PALD1: variants seen among roughly 807,000 people sequenced by gnomAD.
The protein encoded by PALD1 is paladin.
PALD1 carries 57 observed loss-of-function variants against 96.0 expected under a neutral mutation model. That is an observed-to-expected ratio of 0.59 (90% CI 0.48 to 0.74). The LOEUF is 0.74. Ranked by LOEUF, PALD1 falls within the 30% of genes least tolerant of loss-of-function variation. PALD1 has a pLI of 0.00. For missense variants in PALD1, 1,063 were observed against 1,143.7 expected (o/e 0.93, Z 1.02); for synonymous variants, 464 against 473.6 (o/e 0.98, Z 0.26).
intron 18 of PALD1, among the ~76,000 whole-genome samples, chr10:70,553,328 A>C (rs1387944166): frequency 6.6e-6 from 1 of 152,106 alleles, no homozygotes; most frequent in East Asian, 1.9e-4. Context: ...TCTAAAAATG[A>C]GGGAAAGATG....
At chr10:70,507,818 G>A (rs1427830157) in intron 1 of PALD1, among the ~76,000 whole-genome samples, 2 of 151,356 alleles carry the variant, frequency 1.3e-5, no homozygotes, top group Admixed American at 6.6e-5. Context: ...GTAGAGATGA[G>A]GTCTCACCAT....
intron 1 of PALD1, among the ~76,000 whole-genome samples, chr10:70,519,573 C>CTTTCTTTT (rs1240665131): frequency 1.5e-5 from 2 of 133,702 alleles, no homozygotes; most frequent in African/African-American, 2.9e-5. Flanking sequence ...TTCTTTCTTT[C>CTTTCTTTT]TTTTTTTTTT....
intron 1 of PALD1, among the ~76,000 whole-genome samples, chr10:70,491,418 C>CTT (rs36018718): frequency 0.37 from 56,393 of 150,690 alleles, 12,972 homozygotes; most frequent in Non-Finnish European, 0.53. Flanking sequence ...TCCCCACCTG[C>CTT]TTTTTTTTTC....
intron 18 of PALD1, among the ~76,000 whole-genome samples, chr10:70,558,071 T>C (rs1847649553): frequency 6.6e-6 from 1 of 151,826 alleles, no homozygotes; most frequent in Non-Finnish European, 1.5e-5. Flanking sequence ...CAGGCCTGAA[T>C]GACTGGGGCT....
intron 1 of PALD1, among the ~76,000 whole-genome samples, chr10:70,525,591 T>G (rs764290899): frequency 6.6e-6 from 1 of 152,162 alleles, no homozygotes; most frequent in African/African-American, 2.4e-5. Context: ...ATAGTCACTT[T>G]GAACTCTAGG....
intron 1 of PALD1, among the ~76,000 whole-genome samples, chr10:70,502,252 A>G (rs547174919): frequency 1.3e-5 from 2 of 152,306 alleles, no homozygotes; most frequent in Admixed American, 6.5e-5. Flanking sequence ...TTTTAGATAA[A>G]TGGAATCATG....
intron 18 of PALD1, among the ~76,000 whole-genome samples, chr10:70,549,915 G>C (rs563684537): frequency 6.6e-6 from 1 of 152,322 alleles, no homozygotes; most frequent in Non-Finnish European, 1.5e-5. Flanking sequence ...GCTCCCACCA[G>C]GTCACCCACC....
chr10:70,489,273 G>A (rs556007495), intron 1 of PALD1, among the ~76,000 whole-genome samples: 357 of 152,292 alleles, frequency 2.3e-3, no homozygotes, highest in African/African-American at 8.3e-3. Flanking sequence ...CAATGAGACT[G>A]CAGCCAGTGG....
At chr10:70,547,542 G>A in intron 18 of PALD1, 96 bp downstream of exon 18, 4 of 892,582 alleles carry the variant, frequency 4.5e-6, no homozygotes, top group Non-Finnish European at 6.6e-6. Flanking sequence ...GGTTGCTAGG[G>A]GTCCTAGGGG....
At chr10:70,558,893 G>A (rs1181324759) in intron 18 of PALD1, among the ~76,000 whole-genome samples, 1 of 152,122 alleles carries the variant, frequency 6.6e-6, no homozygotes, top group East Asian at 1.9e-4. Context: ...CAGTGCTTGT[G>A]CTGTTTGCTG....
At chr10:70,566,064 A>C in intron 19 of PALD1, among the ~76,000 whole-genome samples, 1 of 152,018 alleles carries the variant, frequency 6.6e-6, no homozygotes, top group Non-Finnish European at 1.5e-5. Context: ...TGGAGGCTGC[A>C]CCCTCCCCTT....
At chr10:70,506,428 C>A (rs1228989126) in intron 1 of PALD1, among the ~76,000 whole-genome samples, 4 of 152,174 alleles carry the variant, frequency 2.6e-5, no homozygotes, top group Non-Finnish European at 4.4e-5. Context: ...GCGCTGGGCC[C>A]TGGGGTCTGT....
chr10:70,515,853 G>A (rs1846610173), intron 1 of PALD1, among the ~76,000 whole-genome samples: 1 of 152,194 alleles, frequency 6.6e-6, no homozygotes, highest in Non-Finnish European at 1.5e-5. Flanking sequence ...ACGATTCACA[G>A]AGCCTAAGCC....
At chr10:70,510,077 T>C (rs972180680) in intron 1 of PALD1, among the ~76,000 whole-genome samples, 1 of 151,972 alleles carries the variant, frequency 6.6e-6, no homozygotes, top group African/African-American at 2.4e-5. Flanking sequence ...GCCTAAAATA[T>C]TGGGGATGTG....
rs573290904 is a variant in PALD1, at chr10:70,532,652, C to T, written c.665C>T (p.Thr222Ile). 2 of 1,614,188 alleles carry T rather than the reference C, an allele frequency of 1.2e-6. No individual in the cohort carries two copies. Among genetic ancestry groups the T allele is most frequent in the East Asian group, 2.2e-5 (1 of 44,880 alleles). Residue 222 changes from threonine (T) to isoleucine (I), a missense_variant, in exon 6 of 20, where the codon ACA becomes ATA. Thr to Ile is a moderately conservative substitution (Grantham distance 89). Transcript: ENST00000263563. Reference sequence around the variant, plus strand: ...GACTTTGCCCAGCTGAGCGAGAACACATACCATGTGTACCATAACACCGAG... The same window carrying T: ...GACTTTGCCCAGCTGAGCGAGAACATATACCATGTGTACCATAACACCGAG... ...IHDFAQLSEN[T>I]YHVYHNTEDL...
intron 1 of PALD1, among the ~76,000 whole-genome samples, chr10:70,512,387 G>C (rs1377316518): frequency 6.6e-6 from 1 of 152,244 alleles, no homozygotes; most frequent in Admixed American, 6.5e-5. Flanking sequence ...TCCCAATGGG[G>C]ACATCAGTCC....
intron 19 of PALD1, among the ~76,000 whole-genome samples, chr10:70,566,046 G>C (rs1159284517): frequency 6.6e-6 from 1 of 152,196 alleles, no homozygotes; most frequent in Non-Finnish European, 1.5e-5. Flanking sequence ...CCATTCCTTT[G>C]TTCTAAGTGG....
At chr10:70,483,276 GTT>G (rs1845965325) in intron 1 of PALD1, among the ~76,000 whole-genome samples, 1 of 152,148 alleles carries the variant, frequency 6.6e-6, no homozygotes. Context: ...CTTGTGAAGC[GTT>G]TTGTGTATTT....
At chr10:70,518,636 T>G (rs1846662204) in intron 1 of PALD1, among the ~76,000 whole-genome samples, 1 of 152,234 alleles carries the variant, frequency 6.6e-6, no homozygotes, top group African/African-American at 2.4e-5. Context: ...TTTAAAAAAA[T>G]TGACTTGATA....
Sources: gnomAD v4.1 joint callset for allele counts (sites outside exome capture counted in the v4.1 genomes callset) on GRCh38, gnomAD v4.1.1 for gene constraint, MANE v1.5 for transcripts, NCBI Gene and HGNC (gene_info 2026-07-23, HGNC 2026-07-21) for gene names.